The following LRRC4C variants were observed in gnomAD, a reference collection of about 807,000 sequenced individuals.
LRRC4C encodes leucine-rich repeat-containing protein 4C.
LRRC4C carries 5 observed loss-of-function variants against 33.6 expected under a neutral mutation model. The ratio of observed to expected loss-of-function variants is 0.15; its 90% CI spans 0.08 to 0.31. LRRC4C has a LOEUF of 0.31. LRRC4C is among the 10% of genes least tolerant of loss of function. The pLI is 1.00. For missense variants in LRRC4C, 560 were observed against 796.7 expected, an observed-to-expected ratio of 0.70 and a Z score of 3.58; for synonymous variants, 329 against 302.0, an observed-to-expected ratio of 1.09 and a Z score of -0.93.
chr11:40,241,623 A>T (rs1865930672), intron 4 of LRRC4C, 25 bp from the exon 5 acceptor site: 1 of 152,126 alleles, frequency 6.6e-6, no homozygotes, highest in Non-Finnish European at 1.5e-5. Flanking sequence ...GATTGAAACT[A>T]GATGATGTAA....
At chr11:40,204,601 G>A (rs1178476103) in intron 5 of LRRC4C, among the ~76,000 whole-genome samples, 2 of 152,000 alleles carry the variant, frequency 1.3e-5, no homozygotes, top group African/African-American at 4.8e-5. Context: ...ATTCTAAGTT[G>A]CAAAACTACC....
intron 3 of LRRC4C, among the ~76,000 whole-genome samples, chr11:40,322,095 C>G (rs373863064): frequency 9.9e-5 from 15 of 152,008 alleles, no homozygotes; most frequent in East Asian, 5.8e-4. Context: ...AATCGATTCA[C>G]TAAATGTTAT....
At chr11:40,822,166 C>T (rs1951956061) in intron 2 of LRRC4C, among the ~76,000 whole-genome samples, 2 of 151,664 alleles carry the variant, frequency 1.3e-5, no homozygotes, top group African/African-American at 4.8e-5. Flanking sequence ...AACTAAACTT[C>T]CTAGGTTCTA....
At chr11:41,441,845 T>G (rs1955630084) in intron 1 of LRRC4C, among the ~76,000 whole-genome samples, 1 of 152,134 alleles carries the variant, frequency 6.6e-6, no homozygotes, top group African/African-American at 2.4e-5. Context: ...TTAGGTTTCT[T>G]GAGTCAAATT....
chr11:40,379,007 A>G (rs1948762115), intron 3 of LRRC4C, among the ~76,000 whole-genome samples: 1 of 152,186 alleles, frequency 6.6e-6, no homozygotes, highest in Admixed American at 6.6e-5. Context: ...TAACCTTCAA[A>G]CAAATACCAA....
At chr11:40,695,218 G>C (rs1945432759) in intron 2 of LRRC4C, among the ~76,000 whole-genome samples, 1 of 152,168 alleles carries the variant, frequency 6.6e-6, no homozygotes, top group Non-Finnish European at 1.5e-5. Flanking sequence ...CATGAAGGGA[G>C]GAAATTTTGT....
At chr11:41,224,025 TCCA>T (rs1947418587) in intron 1 of LRRC4C, among the ~76,000 whole-genome samples, 1 of 152,208 alleles carries the variant, frequency 6.6e-6, no homozygotes, top group Non-Finnish European at 1.5e-5. Flanking sequence ...CACAGTGAAA[TCCA>T]CCAATATAAT....
intron 3 of LRRC4C, among the ~76,000 whole-genome samples, chr11:40,418,816 C>T (rs989516722): frequency 2.0e-5 from 3 of 152,072 alleles, no homozygotes; most frequent in African/African-American, 7.2e-5. Context: ...TGCAGGGACA[C>T]GGATGGAGCT....
chr11:40,200,861 C>T (rs987074854), intron 5 of LRRC4C, among the ~76,000 whole-genome samples: 1 of 151,098 alleles, frequency 6.6e-6, no homozygotes, highest in African/African-American at 2.4e-5. Context: ...ATCAACACCA[C>T]AGAATCCTTG....
chr11:40,615,179 T>C (rs1219246390), intron 3 of LRRC4C, among the ~76,000 whole-genome samples: 1 of 149,528 alleles, frequency 6.7e-6, no homozygotes, highest in Non-Finnish European at 1.5e-5. Flanking sequence ...ACCTTCTGGT[T>C]CTAGACCCTA....
intron 2 of LRRC4C, among the ~76,000 whole-genome samples, chr11:40,868,181 G>C (rs1954464836): frequency 6.6e-6 from 1 of 152,252 alleles, no homozygotes; most frequent in Non-Finnish European, 1.5e-5. Context: ...GGGGATGCTT[G>C]TGAAAATCAC....
At chr11:41,359,839 C>T (rs1236567781) in intron 1 of LRRC4C, among the ~76,000 whole-genome samples, 1 of 152,084 alleles carries the variant, frequency 6.6e-6, no homozygotes, top group Admixed American at 6.6e-5. Context: ...AACATGATGC[C>T]TCATCACTTT....
At chr11:40,909,049 T>C (rs1450998445) in intron 2 of LRRC4C, among the ~76,000 whole-genome samples, 1 of 152,110 alleles carries the variant, frequency 6.6e-6, no homozygotes, top group Non-Finnish European at 1.5e-5. Context: ...AAGGAACAAC[T>C]AACACTTTGT....
intron 6 of LRRC4C, among the ~76,000 whole-genome samples, chr11:40,121,588 T>C (rs1855830927): frequency 6.6e-6 from 1 of 152,156 alleles, no homozygotes; most frequent in East Asian, 1.9e-4. Context: ...TTTGTGTGAG[T>C]TTTGAATTAA....
At chr11:41,101,144 T>C (rs1310693532) in intron 1 of LRRC4C, among the ~76,000 whole-genome samples, 1 of 151,926 alleles carries the variant, frequency 6.6e-6, no homozygotes, top group African/African-American at 2.4e-5. Context: ...AAAGCAAAAA[T>C]TGACAAATAG....
At chr11:40,632,878 C>T (rs1198717136) in intron 3 of LRRC4C, among the ~76,000 whole-genome samples, 1 of 152,118 alleles carries the variant, frequency 6.6e-6, no homozygotes, top group Non-Finnish European at 1.5e-5. Flanking sequence ...ATCAAATAAA[C>T]AAGCTCATCA....
At chr11:41,429,950 A>C (rs543880853) in intron 1 of LRRC4C, among the ~76,000 whole-genome samples, 27 of 152,230 alleles carry the variant, frequency 1.8e-4, no homozygotes, top group Middle Eastern at 3.4e-3. Flanking sequence ...TTGTGTAATA[A>C]ATGGTTAGAG....
chr11:40,680,317 G>A (rs1035940461), intron 2 of LRRC4C, among the ~76,000 whole-genome samples: 2 of 152,166 alleles, frequency 1.3e-5, no homozygotes, highest in African/African-American at 4.8e-5. Flanking sequence ...TTGGACTGTG[G>A]ACTGTTTAGT....
At chr11:40,258,261 G>T (rs1839509613) in intron 4 of LRRC4C, among the ~76,000 whole-genome samples, 2 of 152,202 alleles carry the variant, frequency 1.3e-5, no homozygotes, top group Non-Finnish European at 2.9e-5. Context: ...GTATGAATGT[G>T]CCTCAGCCAT....
Sources: gnomAD v4.1 joint callset for allele counts (sites outside exome capture counted in the v4.1 genomes callset) on GRCh38, gnomAD v4.1.1 for gene constraint, MANE v1.5 for transcripts, NCBI Gene and HGNC (gene_info 2026-07-23, HGNC 2026-07-21) for gene names.